The following ADGRL3 variants were observed in gnomAD, a reference collection of about 807,000 sequenced individuals.
ADGRL3 encodes adhesion G protein-coupled receptor L3.
Under a neutral mutation model 153.5 loss-of-function variants are expected in ADGRL3, and 62 were observed. That is an observed-to-expected ratio of 0.40 (90% CI 0.33 to 0.50). The LOEUF is 0.50. ADGRL3 is among the 20% of genes least tolerant of loss of function. The probability of loss-of-function intolerance (pLI) is 0.47; values close to 1 mark genes in which losing one functional copy is unlikely to be tolerated. For missense variants in ADGRL3, 1,641 were observed against 1,859.4 expected, an observed-to-expected ratio of 0.88 and a Z score of 2.16; for synonymous variants, 710 against 672.5, an observed-to-expected ratio of 1.06 and a Z score of -0.86.
intron 9 of ADGRL3, among the ~76,000 whole-genome samples, chr4:61,852,351 G>A (rs552650377): frequency 2.0e-5 from 3 of 151,048 alleles, no homozygotes; most frequent in East Asian, 2.0e-4. Flanking sequence ...GTCTCACTCC[G>A]TTGCCCAGGC....
intron 4 of ADGRL3, among the ~76,000 whole-genome samples, chr4:61,548,913 T>G (rs528566025): frequency 6.6e-6 from 1 of 152,216 alleles, no homozygotes; most frequent in South Asian, 2.1e-4. Context: ...GTTGAATCTG[T>G]ACATTGATTT....
chr4:61,203,489 G>T (rs1184885560), intron 1 of ADGRL3, among the ~76,000 whole-genome samples: 4 of 152,194 alleles, frequency 2.6e-5, no homozygotes, highest in African/African-American at 9.6e-5. Flanking sequence ...CTTCCAGCCA[G>T]CTGCTGGGGA....
intron 4 of ADGRL3, among the ~76,000 whole-genome samples, chr4:61,524,808 T>C (rs1222225971): frequency 6.6e-6 from 1 of 152,106 alleles, no homozygotes; most frequent in Non-Finnish European, 1.5e-5. Context: ...TAATGGAAGA[T>C]CCATGAAAAA....
intron 5 of ADGRL3, among the ~76,000 whole-genome samples, chr4:61,609,838 G>A (rs1020033125): frequency 2.6e-5 from 4 of 151,806 alleles, no homozygotes; most frequent in African/African-American, 4.8e-5. Flanking sequence ...TTTAATATAC[G>A]GAATAAATTT....
chr4:61,565,827 C>A (rs2098814117), intron 4 of ADGRL3, among the ~76,000 whole-genome samples: 1 of 152,146 alleles, frequency 6.6e-6, no homozygotes, highest in Admixed American at 6.6e-5. Flanking sequence ...CATGAGCCAC[C>A]ACACCCAGTC....
In ADGRL3 at chr4:61,393,990, A is replaced by T. The variant is rs112001480; in HGVS notation, c.-174+10801A>T. On this transcript the variant is annotated intron_variant, in intron 2 of 26. Coordinates refer to ENST00000683033, the MANE Select transcript of ADGRL3 (RefSeq NM_001387552.1). ...ATATGACAAGTACTCTAATAGGAAC[A>T]TGAGGAATAGAGAGTAATTAATTCT... is the stretch of plus-strand genomic sequence containing the variant. 7.9e-3 allele frequency among the ~76,000 whole-genome samples: 1,195 copies of T among 152,202 alleles called. 8 individuals carry two copies. The highest frequency in any genetic ancestry group is 0.014 in the Middle Eastern group (4 of 294).
chr4:61,627,069 TAA>T, intron 5 of ADGRL3, among the ~76,000 whole-genome samples: 1 of 152,244 alleles, frequency 6.6e-6, no homozygotes, highest in Non-Finnish European at 1.5e-5. Flanking sequence ...TCAAATAAAT[TAA>T]AATAACCCTC....
intron 24 of ADGRL3, among the ~76,000 whole-genome samples, chr4:62,038,643 C>T (rs1353951739): frequency 1.3e-5 from 2 of 152,208 alleles, no homozygotes; most frequent in Admixed American, 1.3e-4. Flanking sequence ...ACTCTGTTGC[C>T]CAGGCTGGAG....
intron 21 of ADGRL3, among the ~76,000 whole-genome samples, chr4:62,010,140 T>G (rs1581868229): frequency 6.6e-6 from 1 of 152,134 alleles, no homozygotes; most frequent in Non-Finnish European, 1.5e-5. Flanking sequence ...CACATAGGCA[T>G]GATTGATTCA....
intron 2 of ADGRL3, among the ~76,000 whole-genome samples, chr4:61,476,708 TAAAAAAAAAA>T (rs34866230): frequency 1.2e-4 from 4 of 33,558 alleles, no homozygotes; most frequent in South Asian, 3.3e-3. Context: ...AGACTCTGTC[TAAAAAAAAAA>T]AAAAAAAAAA....
chr4:61,456,575 AT>A (rs2097758866), intron 2 of ADGRL3, among the ~76,000 whole-genome samples: 2 of 149,972 alleles, frequency 1.3e-5, no homozygotes, highest in South Asian at 4.2e-4. Flanking sequence ...GCTTTATCCC[AT>A]ACTTATTGTC....
At chr4:61,659,454 C>A (rs931693819) in intron 5 of ADGRL3, among the ~76,000 whole-genome samples, 3 of 152,048 alleles carry the variant, frequency 2.0e-5, no homozygotes, top group African/African-American at 7.2e-5. Flanking sequence ...TGTATTTGTT[C>A]CCAGCAGTGG....
At chr4:61,564,573 C>T (rs1201100807) in intron 4 of ADGRL3, among the ~76,000 whole-genome samples, 1 of 152,170 alleles carries the variant, frequency 6.6e-6, no homozygotes, top group African/African-American at 2.4e-5. Context: ...GCGTTTGGCC[C>T]ATTTTGCTTT....
intron 2 of ADGRL3, among the ~76,000 whole-genome samples, chr4:61,472,420 G>T (rs562150843): frequency 6.6e-6 from 1 of 152,054 alleles, no homozygotes; most frequent in Non-Finnish European, 1.5e-5. Flanking sequence ...GGCACAATTT[G>T]TGGAGAATCC....
chr4:61,353,158 C>A (rs1478877715), intron 1 of ADGRL3, among the ~76,000 whole-genome samples: 3 of 151,778 alleles, frequency 2.0e-5, no homozygotes, highest in Non-Finnish European at 4.4e-5. Flanking sequence ...TATTTGTGTG[C>A]TATTTTGAAT....
chr4:61,855,685 G>A (rs2098255320), intron 9 of ADGRL3, among the ~76,000 whole-genome samples: 1 of 151,862 alleles, frequency 6.6e-6, no homozygotes, highest in Non-Finnish European at 1.5e-5. Context: ...ATTCAAAATA[G>A]TTCCATGAGG....
intron 8 of ADGRL3, among the ~76,000 whole-genome samples, chr4:61,743,629 G>C (rs1283602632): frequency 6.6e-6 from 1 of 152,178 alleles, no homozygotes; most frequent in Non-Finnish European, 1.5e-5. Context: ...GTAAGTGAAA[G>C]TTAAGACTTC....
chr4:61,745,530 C>A (rs955420186), intron 8 of ADGRL3, among the ~76,000 whole-genome samples: 26 of 152,238 alleles, frequency 1.7e-4, no homozygotes, highest in African/African-American at 6.0e-4. Context: ...ACTCTACAAG[C>A]CAGAAGACAG....
intron 9 of ADGRL3, among the ~76,000 whole-genome samples, chr4:61,877,889 C>T (rs2098484729): frequency 6.6e-6 from 1 of 152,136 alleles, no homozygotes; most frequent in South Asian, 2.1e-4. Flanking sequence ...ATACTGTTCT[C>T]ATGATAGTGA....
Sources: gnomAD v4.1 joint callset for allele counts (sites outside exome capture counted in the v4.1 genomes callset) on GRCh38, gnomAD v4.1.1 for gene constraint, MANE v1.5 for transcripts, NCBI Gene and HGNC (gene_info 2026-07-23, HGNC 2026-07-21) for gene names.